RBFOX1: variants seen among roughly 807,000 people sequenced by gnomAD.
The protein encoded by RBFOX1 is RNA binding protein fox-1 homolog 1.
In RBFOX1, 8 loss-of-function variants were observed where a neutral mutation model predicts 57.7. The ratio of observed to expected loss-of-function variants is 0.14; its 90% confidence interval spans 0.08 to 0.25. The LOEUF (loss-of-function observed/expected upper bound fraction) is 0.25. Ranked by LOEUF, RBFOX1 falls within the 10% of genes least tolerant of loss-of-function variation. RBFOX1 has a pLI of 1.00. For synonymous variants in RBFOX1, 326 were observed against 222.4 expected (o/e 1.47, Z -4.15); for missense variants, 611 against 548.5 (o/e 1.11, Z -1.14).
At chr16:6,123,399 G>C (rs1221556631) in intron 1 of RBFOX1, among the ~76,000 whole-genome samples, 1 of 152,144 alleles carries the variant, frequency 6.6e-6, no homozygotes, top group Non-Finnish European at 1.5e-5. Flanking sequence ...AAAGAAACCA[G>C]ATATAAAGGG....
intron 4 of RBFOX1, among the ~76,000 whole-genome samples, chr16:7,191,632 T>C (rs1007991725): frequency 6.6e-6 from 1 of 152,244 alleles, no homozygotes; most frequent in African/African-American, 2.4e-5. Context: ...AGATTTGCTT[T>C]TAAGCTAGGC....
At chr16:5,348,102 C>T (rs1470220344) in intron 1 of RBFOX1, among the ~76,000 whole-genome samples, 1 of 150,616 alleles carries the variant, frequency 6.6e-6, no homozygotes, top group East Asian at 2.0e-4. Flanking sequence ...GTTCACCCAC[C>T]CACCCTTCTG....
At chr16:7,577,452 T>C (rs1370203423) in intron 5 of RBFOX1, among the ~76,000 whole-genome samples, 2 of 152,214 alleles carry the variant, frequency 1.3e-5, no homozygotes, top group African/African-American at 4.8e-5. Context: ...CTGCCCTGTC[T>C]TGGAATAGCC....
At chr16:7,027,240 C>T (rs1317013919) in intron 3 of RBFOX1, among the ~76,000 whole-genome samples, 1 of 152,080 alleles carries the variant, frequency 6.6e-6, no homozygotes. Flanking sequence ...AATATTTGTT[C>T]AACTAATAAA....
intron 1 of RBFOX1, among the ~76,000 whole-genome samples, chr16:5,434,083 G>C (rs1454925145): frequency 6.6e-6 from 1 of 152,128 alleles, no homozygotes; most frequent in African/African-American, 2.4e-5. Flanking sequence ...AAAACTCTCA[G>C]CTGACTGTAA....
chr16:7,511,804 T>G (rs2075165707), intron 4 of RBFOX1, among the ~76,000 whole-genome samples: 1 of 152,180 alleles, frequency 6.6e-6, no homozygotes, highest in African/African-American at 2.4e-5. Flanking sequence ...AAGTTTCTTC[T>G]CTGTTTATCC....
intron 11 of RBFOX1, among the ~76,000 whole-genome samples, chr16:7,643,501 C>G (rs951226066): frequency 2.6e-5 from 4 of 152,142 alleles, no homozygotes; most frequent in African/African-American, 9.7e-5. Flanking sequence ...GTTTCTCATT[C>G]CAGTCTTCCA....
At chr16:5,398,107 A>G (rs904412237) in intron 1 of RBFOX1, among the ~76,000 whole-genome samples, 6 of 152,224 alleles carry the variant, frequency 3.9e-5, no homozygotes, top group African/African-American at 1.4e-4. Flanking sequence ...CTAGACGAAG[A>G]CCAAGACCAT....
rs1228130520 is a variant in RBFOX1 at position 6,863,655 on chromosome 16, G to GT, written c.-15-188391dup. On this transcript the variant is annotated intron_variant, in intron 3 of 15. Transcript: ENST00000550418. ...AATGGCATCAAAATACCAAGGTTCT[G>GT]TTTTTTTTTTTCCTTAAAAAAAAAA... Among the ~76,000 whole-genome samples, 555 of 58,422 alleles carry GT rather than the reference G, an allele frequency of 9.5e-3. 4 individuals are homozygous for GT. Among genetic ancestry groups the GT allele is most frequent in the African/African-American group, 0.032 (409 of 12,904 alleles). The allele number at this position is 58,422 out of a possible 152,430, so 38.3% of individuals were successfully genotyped here.
chr16:6,628,933 G>T (rs1043856592), intron 2 of RBFOX1, among the ~76,000 whole-genome samples: 1 of 152,192 alleles, frequency 6.6e-6, no homozygotes, highest in Non-Finnish European at 1.5e-5. Context: ...GGGAGGCTGA[G>T]ACAGGAGAAT....
chr16:7,547,615 T>A (rs1018713828), intron 5 of RBFOX1, among the ~76,000 whole-genome samples: 1 of 152,234 alleles, frequency 6.6e-6, no homozygotes, highest in Non-Finnish European at 1.5e-5. Context: ...AGAATCAGGA[T>A]TGAGGCAGGC....
chr16:7,284,907 T>C (rs1452653249), intron 4 of RBFOX1, among the ~76,000 whole-genome samples: 1 of 152,074 alleles, frequency 6.6e-6, no homozygotes, highest in Non-Finnish European at 1.5e-5. Context: ...GCACACTCTT[T>C]CTTACATCCT....
intron 3 of RBFOX1, among the ~76,000 whole-genome samples, chr16:5,697,913 T>C (rs2050900340): frequency 6.6e-6 from 1 of 152,202 alleles, no homozygotes; most frequent in South Asian, 2.1e-4. Flanking sequence ...GAAAGTTCCC[T>C]ACTGTACCAA....
At chr16:6,086,620 G>T (rs2096088667) in intron 1 of RBFOX1, among the ~76,000 whole-genome samples, 1 of 152,144 alleles carries the variant, frequency 6.6e-6, no homozygotes, top group Non-Finnish European at 1.5e-5. Flanking sequence ...CGCATGCTTG[G>T]TTGGGGTTCA....
chr16:6,328,107 A>T (rs1349630901), intron 2 of RBFOX1, among the ~76,000 whole-genome samples: 1 of 152,262 alleles, frequency 6.6e-6, no homozygotes, highest in East Asian at 1.9e-4. Flanking sequence ...AATACTACTC[A>T]GCCATAAAAA....
At chr16:6,461,025 C>A (rs2094907037) in intron 2 of RBFOX1, among the ~76,000 whole-genome samples, 1 of 152,018 alleles carries the variant, frequency 6.6e-6, no homozygotes, top group Non-Finnish European at 1.5e-5. Flanking sequence ...ACACTGCATG[C>A]TCTCACTTAT....
chr16:7,475,557 C>T (rs949411352), intron 4 of RBFOX1, among the ~76,000 whole-genome samples: 1 of 152,094 alleles, frequency 6.6e-6, no homozygotes, highest in Non-Finnish European at 1.5e-5. Flanking sequence ...CTCGTGATCA[C>T]CCACCTTGGC....
intron 4 of RBFOX1, among the ~76,000 whole-genome samples, chr16:7,249,467 C>G (rs1330122334): frequency 6.6e-6 from 1 of 152,130 alleles, no homozygotes; most frequent in Admixed American, 6.5e-5. Flanking sequence ...AAGGAGAAAG[C>G]ATTTTTCCAG....
chr16:6,530,095 T>C (rs1271622271), intron 2 of RBFOX1, among the ~76,000 whole-genome samples: 1 of 152,220 alleles, frequency 6.6e-6, no homozygotes, highest in African/African-American at 2.4e-5. Flanking sequence ...GTCAGACTTG[T>C]AGCTTCCGAA....
Sources: allele counts gnomAD v4.1 joint callset (sites outside exome capture counted in the v4.1 genomes callset), GRCh38; gene constraint gnomAD v4.1.1; transcripts MANE v1.5; gene names NCBI Gene and HGNC (gene_info 2026-07-23, HGNC 2026-07-21).